Variants in KDM4C observed in about 807,000 individuals in gnomAD.
The protein encoded by KDM4C is lysine demethylase 4C.
A neutral mutation model predicts 129.3 loss-of-function variants in KDM4C; 81 were observed. That is an observed-to-expected ratio of 0.63 (90% CI 0.52 to 0.75). KDM4C has a LOEUF of 0.75. Among genes scored for constraint, KDM4C ranks in the 30% least tolerant of loss-of-function variants. KDM4C has a pLI of 0.00. For missense variants in KDM4C, 1,457 were observed against 1,304.0 expected (o/e 1.12, Z -1.81); for synonymous variants, 573 against 456.1 (o/e 1.26, Z -3.26).
At chr9:7,084,538 G>C (rs1002555110) in intron 17 of KDM4C, among the ~76,000 whole-genome samples, 2 of 151,396 alleles carry the variant, frequency 1.3e-5, no homozygotes, top group African/African-American at 4.9e-5. Flanking sequence ...CTTTGTGTAG[G>C]TCTGCATGAC....
At chr9:6,839,014 T>C (rs1013505079) in intron 4 of KDM4C, among the ~76,000 whole-genome samples, 2 of 152,240 alleles carry the variant, frequency 1.3e-5, no homozygotes, top group African/African-American at 2.4e-5. Context: ...TTTTATGTTA[T>C]TTTTTCTCCA....
chr9:6,794,757 A>T (rs1289210066), intron 2 of KDM4C, among the ~76,000 whole-genome samples: 2 of 152,094 alleles, frequency 1.3e-5, no homozygotes, highest in African/African-American at 2.4e-5. Flanking sequence ...AAAAAATGGT[A>T]GTGACTTAAG....
At chr9:7,142,558 TC>T (rs1841854618) in intron 19 of KDM4C, among the ~76,000 whole-genome samples, 1 of 152,178 alleles carries the variant, frequency 6.6e-6, no homozygotes, top group Non-Finnish European at 1.5e-5. Context: ...ACTTACCGAG[TC>T]TTGAACATCT....
intron 1 of KDM4C, among the ~76,000 whole-genome samples, chr9:6,738,877 G>T (rs1817605248): frequency 1.3e-5 from 2 of 150,822 alleles, no homozygotes; most frequent in Non-Finnish European, 3.0e-5. Flanking sequence ...GAGCTATCAC[G>T]CCTGGCCGCC....
intron 12 of KDM4C, among the ~76,000 whole-genome samples, chr9:7,008,773 T>C (rs1822149397): frequency 6.6e-6 from 1 of 152,154 alleles, no homozygotes; most frequent in Admixed American, 6.6e-5. Flanking sequence ...TGAACCCAGG[T>C]ACCAGGCCAG....
intron 17 of KDM4C, among the ~76,000 whole-genome samples, chr9:7,052,556 G>A (rs1174558592): frequency 2.0e-5 from 3 of 152,154 alleles, no homozygotes; most frequent in African/African-American, 7.2e-5. Flanking sequence ...TTGCTCTAAA[G>A]CAAGGCATTA....
intron 17 of KDM4C, among the ~76,000 whole-genome samples, chr9:7,056,502 G>A (rs185383901): frequency 6.6e-6 from 1 of 152,234 alleles, no homozygotes; most frequent in Admixed American, 6.5e-5. Context: ...ATGTCAGATG[G>A]GCATGGCTAC....
intron 19 of KDM4C, among the ~76,000 whole-genome samples, chr9:7,153,014 T>C (rs560044019): frequency 6.3e-4 from 96 of 152,308 alleles, no homozygotes; most frequent in African/African-American, 2.3e-3. Context: ...AAATATGAGG[T>C]TTTAAAATTT....
intron 17 of KDM4C, among the ~76,000 whole-genome samples, chr9:7,059,805 A>G (rs1831363286): frequency 6.6e-6 from 1 of 152,180 alleles, no homozygotes; most frequent in Non-Finnish European, 1.5e-5. Context: ...TTTAGAAAAT[A>G]TGGTTATTTT....
intron 8 of KDM4C, among the ~76,000 whole-genome samples, chr9:6,897,894 A>G (rs113005347): frequency 0.011 from 1,606 of 152,340 alleles, 34 homozygotes; most frequent in African/African-American, 0.036. Context: ...AGCAGTTGAA[A>G]TAAGACATTT....
intron 17 of KDM4C, among the ~76,000 whole-genome samples, chr9:7,090,735 C>G (rs542224197): frequency 6.6e-6 from 1 of 152,322 alleles, no homozygotes; most frequent in South Asian, 2.1e-4. Flanking sequence ...TCTCCTCCTT[C>G]CCTCAGCAGG....
intron 17 of KDM4C, among the ~76,000 whole-genome samples, chr9:7,080,018 G>T (rs1834351361): frequency 6.7e-6 from 1 of 150,310 alleles, no homozygotes; most frequent in Admixed American, 6.7e-5. Context: ...AGTAGAGATA[G>T]ATTAGGTAAT....
intron 2 of KDM4C, among the ~76,000 whole-genome samples, chr9:6,793,543 T>A (rs1827159114): frequency 7.0e-6 from 1 of 142,932 alleles, no homozygotes; most frequent in Non-Finnish European, 1.5e-5. Flanking sequence ...TCTTTCTTTC[T>A]TTTTTTTTTT....
In KDM4C at chr9:6,986,408, A is replaced by G. The variant is rs780776822; in HGVS notation, c.1419A>G (p.Ala473=). Residue 473 remains alanine, a synonymous_variant, in exon 11 of 22, where the codon GCA becomes GCG. Coordinates refer to ENST00000381309, the MANE Select transcript of KDM4C (RefSeq NM_015061.6). ...AAACTGAGGATGACAAAGCTTATGC[A>G]TATAGAAGTGTACCTTCTATATCCA... ...DIKTEDDKAY[A]YRSVPSISSE... 4 of 1,614,020 alleles carry G rather than the reference A, an allele frequency of 2.5e-6. No homozygotes were observed. Among genetic ancestry groups the G allele is most frequent in the East Asian group, 2.2e-5 (1 of 44,890 alleles).
At chr9:7,079,767 C>A (rs139742455) in intron 17 of KDM4C, among the ~76,000 whole-genome samples, 16 of 152,220 alleles carry the variant, frequency 1.1e-4, no homozygotes, top group African/African-American at 3.6e-4. Context: ...TCCGTGTATT[C>A]CAGGGTTAAA....
At chr9:7,116,176 C>G (rs145512930) in intron 18 of KDM4C, among the ~76,000 whole-genome samples, 337 of 152,282 alleles carry the variant, frequency 2.2e-3, no homozygotes, top group African/African-American at 7.7e-3. Flanking sequence ...AAACTTTCTT[C>G]TTTGCAAGCA....
At chr9:6,961,494 C>T (rs992227175) in intron 8 of KDM4C, among the ~76,000 whole-genome samples, 1 of 152,068 alleles carries the variant, frequency 6.6e-6, no homozygotes. Flanking sequence ...CATAAACTTT[C>T]TGTTTGTAAA....
chr9:6,806,302 C>G (rs1414642723), intron 3 of KDM4C, among the ~76,000 whole-genome samples: 1 of 152,066 alleles, frequency 6.6e-6, no homozygotes, highest in African/African-American at 2.4e-5. Context: ...CAAGACCAGT[C>G]TGATCAACAT....
intron 19 of KDM4C, among the ~76,000 whole-genome samples, chr9:7,129,061 G>A (rs927300067): frequency 1.3e-5 from 2 of 152,142 alleles, no homozygotes; most frequent in African/African-American, 4.8e-5. Context: ...TCTCCTTTCG[G>A]GGGGTGTGTG....
Sources: allele counts gnomAD v4.1 joint callset (sites outside exome capture counted in the v4.1 genomes callset), GRCh38; gene constraint gnomAD v4.1.1; transcripts MANE v1.5; gene names NCBI Gene and HGNC (gene_info 2026-07-23, HGNC 2026-07-21).